ZNF566: variants seen among roughly 807,000 people sequenced by gnomAD.
The protein encoded by ZNF566 is zinc finger protein 566.
Under a neutral mutation model 32.8 loss-of-function variants are expected in ZNF566, and 27 were observed. The ratio of observed to expected loss-of-function variants is 0.82; its 90% CI spans 0.61 to 1.14. The LOEUF (loss-of-function observed/expected upper bound fraction) is 1.14. ZNF566 is among the 50% of genes most tolerant of loss of function. ZNF566 has a pLI of 0.00. For synonymous variants in ZNF566, 154 were observed against 159.5 expected, an observed-to-expected ratio of 0.97 and a Z score of 0.26; for missense variants, 402 against 490.4, an observed-to-expected ratio of 0.82 and a Z score of 1.70.
chr19:36,466,193 G>C (rs977487019), intron 4 of ZNF566, among the ~76,000 whole-genome samples: 1 of 152,120 alleles, frequency 6.6e-6, no homozygotes, highest in Non-Finnish European at 1.5e-5. Flanking sequence ...TAATGGAAAG[G>C]AACAAGAATC....
In ZNF566 at chr19:36,449,773, T is replaced by C. The variant is rs35217571; in HGVS notation, c.461A>G (p.His154Arg). The change falls in exon 5 of 5, where the codon CAC becomes CGC. Residue 154 changes from histidine (H) to arginine (R), a missense_variant. Coordinates refer to ENST00000452939, the MANE Select transcript of ZNF566 (RefSeq NM_001145344.1). The stretch of plus-strand genomic sequence containing the variant: ...TTGCTGTAATGTGAAGGATGGATGG[T>C]GACTCAAAGTGGGCAGATCTTCATG... ...FTHEDLPTLS[H>R]HPSFTLQQII... is the part of the protein sequence containing the mutation. 2.6e-3 allele frequency: 4,249 copies of C among 1,614,164 alleles called. 98 individuals carry two copies. In the African/African-American group the frequency reaches 0.048, roughly 18 times the overall value.
In ZNF566 at chr19:36,448,001, G is replaced by T. The variant is rs745654249; in HGVS notation, c.*976C>A. On this transcript the variant is annotated 3_prime_UTR_variant, in exon 5 of 5. Coordinates refer to ENST00000452939, the MANE Select transcript of ZNF566 (RefSeq NM_001145344.1). ...CAGGCACAATTCTAAGCACTTTATC[G>T]ATCTTAATTCATTTAATCCTCACAA... 6.6e-6 allele frequency: 1 copy of T among 151,920 alleles called. No homozygotes were observed. Among genetic ancestry groups the T allele is most frequent in the African/African-American group, 2.4e-5 (1 of 41,376 alleles). The allele number at this position is 151,920 out of a possible 1,614,324, so 9.4% of individuals were successfully genotyped here.
rs186969611 is a variant in ZNF566 at position 36,445,443 on chromosome 19, T to C, written c.*3534A>G. 2 of 152,156 alleles carry C rather than the reference T, an allele frequency of 1.3e-5. No individual in the cohort carries two copies. The highest frequency in any genetic ancestry group is 2.9e-5 in the Non-Finnish European group (2 of 68,036). 9.4% of individuals were successfully genotyped at this position (152,156 alleles called of 1,614,324 possible). A position where few individuals can be genotyped will look rare whatever the true frequency, so the allele number is the denominator to read the frequency against. ...GTATACACACTCACAGAATCACATA[T>C]ATGAAAAACTGCACTCCACTCCTTT... On this transcript the variant is annotated 3_prime_UTR_variant, in exon 5 of 5. Transcript: ENST00000452939.
At chr19:36,484,086 C>G (rs950874823) in intron 1 of ZNF566, among the ~76,000 whole-genome samples, 3 of 152,192 alleles carry the variant, frequency 2.0e-5, no homozygotes, top group African/African-American at 7.2e-5. Flanking sequence ...GTTGGTCAGG[C>G]TGGTCTCCAA....
intron 2 of ZNF566, among the ~76,000 whole-genome samples, chr19:36,473,967 TAAG>T (rs752970883): frequency 2.6e-5 from 4 of 152,102 alleles, no homozygotes; most frequent in Non-Finnish European, 5.9e-5. Context: ...CAAGAAACAA[TAAG>T]AACGATTCTT....
intron 1 of ZNF566, 141 bp from the exon 2 acceptor site, chr19:36,476,757 C>G: frequency 1.5e-6 from 1 of 646,816 alleles, no homozygotes; most frequent in Non-Finnish European, 2.6e-6. Flanking sequence ...TCTATCATCC[C>G]TAGCTTCAAA....
chr19:36,463,058 C>T lies in ZNF566; in HGVS notation c.232+9853G>A, dbSNP rs140320487. On this transcript the variant is annotated intron_variant, in intron 4 of 4. Transcript: ENST00000452939. ...TGGGCCAGACGCAGTAATCCCAGCA[C>T]TTTGGGAGGCCAAGATGGGAGGACT... 9.7e-3 allele frequency among the ~76,000 whole-genome samples: 1,449 copies of T among 149,878 alleles called. 25 individuals carry two copies. Among genetic ancestry groups the T allele is most frequent in the African/African-American group, 0.034 (1,398 of 40,870 alleles).
intron 4 of ZNF566, among the ~76,000 whole-genome samples, chr19:36,459,819 CTT>C (rs77529506): frequency 1.0e-3 from 139 of 135,204 alleles, no homozygotes; most frequent in Admixed American, 2.2e-3. Flanking sequence ...CCACCTATTA[CTT>C]TTTTTTTTTT....
rs1033239505 is a variant in ZNF566 at position 36,449,707 on chromosome 19, T to C, written c.527A>G (p.Tyr176Cys). Reference protein sequence around the residue: ...SKKKFCASKEYRKTFRHGSQF... With the variant: ...SKKKFCASKECRKTFRHGSQF... ...TGAGCCATGTCTAAAGGTTTTCCTA[T>C]ATTCTTTAGATGCACAGAATTTCTT... The change falls in exon 5 of 5, where the codon TAT (tyrosine) becomes TGT (cysteine). Residue 176 changes from tyrosine to cysteine, a missense_variant. Tyr to Cys is a radical substitution (Grantham distance 194, BLOSUM62 -2). Coordinates refer to ENST00000452939, the MANE Select transcript of ZNF566 (RefSeq NM_001145344.1). 5.0e-6 allele frequency: 8 copies of C among 1,614,052 alleles called. No individual in the cohort carries two copies. The highest frequency in any genetic ancestry group is 3.3e-5 in the Admixed American group (2 of 59,994).
At chr19:36,459,683 T>C (rs1382462563) in intron 4 of ZNF566, among the ~76,000 whole-genome samples, 7 of 151,756 alleles carry the variant, frequency 4.6e-5, no homozygotes, top group South Asian at 2.1e-4. Context: ...GCTAATTTTT[T>C]GTATTTTTAG....
chr19:36,449,938 G>A lies in ZNF566; in HGVS notation c.296C>T (p.Ser99Leu). The change falls in exon 5 of 5, where the codon TCA becomes TTA. Residue 99 changes from serine to leucine, a missense_variant. By Grantham distance (145) the Ser-to-Leu change is moderately radical. Around this residue, in one of 3 missense-constraint regions of ZNF566, gnomAD observed 220 missense variants for 241.9 expected, o/e 0.91. Coordinates refer to ENST00000452939, the MANE Select transcript of ZNF566 (RefSeq NM_001145344.1). ...FLKKEIYEIE[S>L]TQWEIMEKLT... ...TTTTTCCATTATTTCCCACTGGGTT[G>A]ATTCTATTTCATAAATTTCTTTCTT... is the stretch of plus-strand genomic sequence containing the variant. 1 of 1,612,604 alleles carries A rather than the reference G, an allele frequency of 6.2e-7. No homozygotes were observed. The highest frequency in any genetic ancestry group is 8.5e-7 in the Non-Finnish European group (1 of 1,179,620).
chr19:36,459,764 G>A, intron 4 of ZNF566, among the ~76,000 whole-genome samples: 1 of 151,256 alleles, frequency 6.6e-6, no homozygotes, highest in African/African-American at 2.4e-5. Context: ...ACCCGCCTCG[G>A]CCTCCCAAAG....
chr19:36,467,327 C>T lies in ZNF566; in HGVS notation c.232+5584G>A, dbSNP rs968544655. On this transcript the variant is annotated intron_variant, in intron 4 of 4. Transcript: ENST00000452939. ...GTGGGTGCCCATAATCCCAGCTACA[C>T]AGGAGGCTGAGGCAGAAGAACCACT... Among the ~76,000 whole-genome samples, 10 of 148,184 alleles carry T rather than the reference C, an allele frequency of 6.7e-5. No individual in the cohort carries two copies. In the East Asian group the frequency reaches 1.8e-3, roughly 27 times the overall value.
chr19:36,467,434 C>CA (rs34170364), intron 4 of ZNF566, among the ~76,000 whole-genome samples: 1,284 of 77,298 alleles, frequency 0.017, 10 homozygotes, highest in African/African-American at 0.019. Context: ...GGCTCTGTCT[C>CA]AAAAAAAAAA....
chr19:36,468,066 T>C (rs151291606), intron 4 of ZNF566, among the ~76,000 whole-genome samples: 2,056 of 149,908 alleles, frequency 0.014, 94 homozygotes, highest in African/African-American at 0.048. Flanking sequence ...ATGCCTGTAA[T>C]CCCAGCTACT....
At chr19:36,473,293 A>G (rs772458323) in intron 3 of ZNF566, 39 bp downstream of exon 3, 48 of 1,612,116 alleles carry the variant, frequency 3.0e-5, no homozygotes, top group Non-Finnish European at 5.9e-6. Flanking sequence ...TAGGCCTTCC[A>G]AGGGCAGAAT....
chr19:36,487,077 G>A (rs180847011), intron 1 of ZNF566, among the ~76,000 whole-genome samples: 11,442 of 130,554 alleles, frequency 0.088, 658 homozygotes, highest in Non-Finnish European at 0.12. Context: ...GCCACAGAGC[G>A]AGACTCCGTC....
At chr19:36,488,474 A>C (rs1251161050) in intron 1 of ZNF566, among the ~76,000 whole-genome samples, 1 of 152,176 alleles carries the variant, frequency 6.6e-6, no homozygotes, top group Admixed American at 6.6e-5. Context: ...TTGCTGTTCA[A>C]GTACAAATTT....
chr19:36,448,549 G>T lies in ZNF566; in HGVS notation c.*428C>A. ...TTTAAAATAGTATACAAATCAGGAT[G>T]TAAACAGATGAAATTTATAGCCATA... is the stretch of plus-strand genomic sequence containing the variant. On this transcript the variant is annotated 3_prime_UTR_variant, in exon 5 of 5. Coordinates refer to ENST00000452939, the MANE Select transcript of ZNF566 (RefSeq NM_001145344.1). The T allele has an allele frequency of 6.5e-6, 1 of 153,698 alleles. No individual in the cohort carries two copies. Among genetic ancestry groups the T allele is most frequent in the Non-Finnish European group, 1.4e-5 (1 of 69,194 alleles). The allele number at this position is 153,698 out of a possible 1,614,324, so 9.5% of individuals were successfully genotyped here.
Sources: gnomAD v4.1 joint callset for allele counts (sites outside exome capture counted in the v4.1 genomes callset) on GRCh38, gnomAD v4.1.1 for gene constraint, gnomAD v4.1.1 regional missense constraint, MANE v1.5 for transcripts, NCBI Gene and HGNC (gene_info 2026-07-23, HGNC 2026-07-21) for gene names.